The following SRBD1 variants were observed in gnomAD, a reference collection of about 807,000 sequenced individuals.
SRBD1 encodes the protein S1 RNA binding domain 1, also known as S1 RNA-binding domain-containing protein 1.
In SRBD1, 88 loss-of-function variants were observed where a neutral mutation model predicts 115.3. The observed-to-expected ratio is 0.76, with a 90% CI of 0.64 to 0.91. The LOEUF is 0.91. Among genes scored for constraint, SRBD1 ranks in the 40% least tolerant of loss-of-function variants. The pLI is 0.00. For synonymous variants in SRBD1, 509 were observed against 407.7 expected (o/e 1.25, Z -2.99); for missense variants, 1,385 against 1,177.4 (o/e 1.18, Z -2.58).
intron 16 of SRBD1, among the ~76,000 whole-genome samples, chr2:45,469,998 T>C (rs776764348): frequency 4.6e-5 from 7 of 152,220 alleles, no homozygotes; most frequent in Non-Finnish European, 8.8e-5. Flanking sequence ...TATTTCAAAA[T>C]ACTGCTTTTG....
At chr2:45,437,200 C>A (rs1416753587) in intron 16 of SRBD1, among the ~76,000 whole-genome samples, 1 of 152,008 alleles carries the variant, frequency 6.6e-6, no homozygotes, top group Non-Finnish European at 1.5e-5. Flanking sequence ...AGATTCAACA[C>A]AATCCCAATT....
intron 20 of SRBD1, 77 bp from the exon 21 acceptor site, chr2:45,389,676 A>G: frequency 2.9e-6 from 4 of 1,372,524 alleles, no homozygotes; most frequent in Middle Eastern, 2.6e-4. Context: ...ATAAGTACTT[A>G]CTACATACTA....
chr2:45,476,292 T>A (rs1669801412), intron 16 of SRBD1, among the ~76,000 whole-genome samples: 1 of 152,138 alleles, frequency 6.6e-6, no homozygotes, highest in South Asian at 2.1e-4. Flanking sequence ...TATCTAGTAG[T>A]CACAGATTCC....
chr2:45,431,432 T>C (rs1480519002), intron 16 of SRBD1, among the ~76,000 whole-genome samples: 1 of 152,108 alleles, frequency 6.6e-6, no homozygotes, highest in Non-Finnish European at 1.5e-5. Flanking sequence ...TGTGGCACCA[T>C]GGAATATTAT....
At chr2:45,517,818 G>C (rs1197293310) in intron 14 of SRBD1, among the ~76,000 whole-genome samples, 2 of 151,958 alleles carry the variant, frequency 1.3e-5, no homozygotes, top group Non-Finnish European at 2.9e-5. Flanking sequence ...AACATAGCAA[G>C]ATCTTGTCTG....
chr2:45,577,416 T>C (rs937574712), intron 7 of SRBD1, among the ~76,000 whole-genome samples: 2 of 152,166 alleles, frequency 1.3e-5, no homozygotes, highest in Non-Finnish European at 2.9e-5. Flanking sequence ...CAATGAAATC[T>C]TCCCAGCTAC....
chr2:45,397,537 G>C (rs1326089956), intron 19 of SRBD1, among the ~76,000 whole-genome samples: 1 of 152,184 alleles, frequency 6.6e-6, no homozygotes, highest in East Asian at 1.9e-4. Flanking sequence ...CTTCACCATA[G>C]GGGCTGTTCT....
In SRBD1 at chr2:45,546,769, T is replaced by A; in HGVS notation, c.1837A>T (p.Met613Leu). ...TCCAGTGGTGCAAAATAATTCTTCA[T>A]TATCAGGTCAGCAAAGTAAGCTTCT... ...ETEAYFADLI[M>L]KNYFAPLDVV... The change falls in exon 14 of 21, where the codon ATG becomes TTG. Residue 613 changes from methionine to leucine, a missense_variant. Transcript: ENST00000263736. The A allele has an allele frequency of 2.5e-6, 4 of 1,614,122 alleles. No individual in the cohort carries two copies. The highest frequency in any genetic ancestry group is 3.4e-6 in the Non-Finnish European group (4 of 1,179,986).
At chr2:45,564,214 T>C (rs72617001) in intron 9 of SRBD1, among the ~76,000 whole-genome samples, 22,643 of 152,168 alleles carry the variant, frequency 0.15, 2,418 homozygotes, top group African/African-American at 0.3. Flanking sequence ...TCTCAATAGA[T>C]GTGGAAAAAC....
chr2:45,433,349 G>A (rs1668394868), intron 16 of SRBD1, among the ~76,000 whole-genome samples: 1 of 152,010 alleles, frequency 6.6e-6, no homozygotes, highest in African/African-American at 2.4e-5. Context: ...ATTTCACAAT[G>A]TATGTGCACC....
chr2:45,407,500 C>A (rs141744618), intron 19 of SRBD1, among the ~76,000 whole-genome samples: 230 of 152,206 alleles, frequency 1.5e-3, no homozygotes, highest in Admixed American at 3.1e-3. Flanking sequence ...TAAGTTTTAT[C>A]CTCCCCAAGG....
At chr2:45,391,376 A>C (rs537560854) in intron 20 of SRBD1, among the ~76,000 whole-genome samples, 6 of 152,342 alleles carry the variant, frequency 3.9e-5, no homozygotes, top group African/African-American at 1.4e-4. Context: ...AAAACAAAAG[A>C]CAGAATTATT....
intron 16 of SRBD1, among the ~76,000 whole-genome samples, chr2:45,465,478 C>A (rs1238920831): frequency 6.6e-6 from 1 of 152,002 alleles, no homozygotes; most frequent in Non-Finnish European, 1.5e-5. Flanking sequence ...GGGAAATGAT[C>A]CAGACTGCAA....
At chr2:45,497,995 T>C (rs1017024314) in intron 14 of SRBD1, among the ~76,000 whole-genome samples, 2 of 152,094 alleles carry the variant, frequency 1.3e-5, no homozygotes, top group African/African-American at 4.8e-5. Flanking sequence ...CAGAGTGAGA[T>C]TCCGTCTCAA....
intron 15 of SRBD1, among the ~76,000 whole-genome samples, chr2:45,480,948 A>G (rs918573487): frequency 4.6e-5 from 7 of 152,214 alleles, no homozygotes; most frequent in African/African-American, 1.7e-4. Context: ...CCATTGATAC[A>G]GCAGACTACT....
chr2:45,538,312 GCT>G (rs1212848948), intron 14 of SRBD1, among the ~76,000 whole-genome samples: 1 of 152,192 alleles, frequency 6.6e-6, no homozygotes, highest in African/African-American at 2.4e-5. Context: ...CTAAGACCAT[GCT>G]CTTTTTTCCC....
Position 45,477,311 on chromosome 2 carries a change from T to A in SRBD1, c.1967-236A>T, listed in dbSNP as rs571801279. Among the ~76,000 whole-genome samples the A allele has an allele frequency of 3.9e-5, 6 of 152,294 alleles. No homozygotes were observed. The South Asian group carries it at 1.2e-3, about 32-fold the overall frequency. On this transcript the variant is annotated intron_variant, in intron 15 of 20. Coordinates refer to ENST00000263736, the MANE Select transcript of SRBD1 (RefSeq NM_018079.5). ...CTAGGCATTCTTGAACACAAAGTAG[T>A]TTGACAGGATTATAGATTTGGAAAA...
chr2:45,531,081 C>T (rs887693748), intron 14 of SRBD1, among the ~76,000 whole-genome samples: 31 of 151,846 alleles, frequency 2.0e-4, no homozygotes, highest in African/African-American at 6.5e-4. Flanking sequence ...CCCCAAGAAA[C>T]CTCAGTAGCT....
chr2:45,586,816 G>C (rs1673539592), intron 4 of SRBD1, among the ~76,000 whole-genome samples: 1 of 147,232 alleles, frequency 6.8e-6, no homozygotes, highest in Non-Finnish European at 1.5e-5. Context: ...GAAAGTGCTG[G>C]GATTACTGGC....
Sources: allele counts gnomAD v4.1 joint callset (sites outside exome capture counted in the v4.1 genomes callset), GRCh38; gene constraint gnomAD v4.1.1; transcripts MANE v1.5; gene names NCBI Gene and HGNC (gene_info 2026-07-23, HGNC 2026-07-21).